Variants in PRPF18 observed in about 807,000 individuals in gnomAD.
PRPF18 encodes pre-mRNA-splicing factor 18.
Under a neutral mutation model 46.5 loss-of-function variants are expected in PRPF18, and 38 were observed. The observed-to-expected ratio is 0.82, with a 90% confidence interval of 0.63 to 1.07. The LOEUF is 1.07. Among genes scored for constraint, PRPF18 ranks in the 50% least tolerant of loss-of-function variants. PRPF18 has a pLI of 0.00. For synonymous variants in PRPF18, 152 were observed against 146.7 expected, an observed-to-expected ratio of 1.04 and a Z score of -0.26; for missense variants, 263 against 410.0, an observed-to-expected ratio of 0.64 and a Z score of 3.10.
chr10:13,653,958 C>G, the PRPF18 span: 1 of 214,618 alleles, frequency 4.7e-6, no homozygotes, highest in South Asian at 1.4e-4. Context: ...AGTGCTTGGC[C>G]AGGACACAGC....
the PRPF18 span, chr10:13,639,681 T>C: frequency 6.6e-6 from 1 of 152,254 alleles, no homozygotes; most frequent in Non-Finnish European, 1.5e-5. Context: ...TAGCCAGGAC[T>C]CAGGATAAAG....
the PRPF18 span, chr10:13,647,972 C>T: frequency 6.6e-6 from 1 of 152,022 alleles, no homozygotes; most frequent in Admixed American, 6.6e-5. Flanking sequence ...GACCCTAACC[C>T]AAAGTAGTTC....
At chr10:13,608,815 A>C (rs1387914038) in intron 4 of PRPF18, among the ~76,000 whole-genome samples, 1 of 152,238 alleles carries the variant, frequency 6.6e-6, no homozygotes, top group African/African-American at 2.4e-5. Context: ...GACAAAGCAC[A>C]GGAGCACAAG....
At chr10:13,626,389 C>T (rs1043062928) in intron 9 of PRPF18, among the ~76,000 whole-genome samples, 1 of 151,970 alleles carries the variant, frequency 6.6e-6, no homozygotes, top group African/African-American at 2.4e-5. Flanking sequence ...AAAAACAAAA[C>T]AAAAAGGGGA....
At chr10:13,628,895 C>G (rs1466247930) in intron 9 of PRPF18, among the ~76,000 whole-genome samples, 1 of 152,154 alleles carries the variant, frequency 6.6e-6, no homozygotes, top group African/African-American at 2.4e-5. Context: ...CGTGGTGTGT[C>G]TCAGGTCTCT....
chr10:13,604,665 T>C (rs1469027489), intron 3 of PRPF18, among the ~76,000 whole-genome samples: 1 of 152,242 alleles, frequency 6.6e-6, no homozygotes, highest in Non-Finnish European at 1.5e-5. Context: ...GTTTTTCCTG[T>C]GTGTCCTGCC....
the PRPF18 span, chr10:13,645,730 T>C: frequency 3.7e-3 from 569 of 152,648 alleles, 4 homozygotes; most frequent in Non-Finnish European, 6.8e-3. Context: ...AAGGGCATAG[T>C]TGGGTTCTTG....
At chr10:13,646,069 CTTTG>C in the PRPF18 span, 1 of 152,240 alleles carries the variant, frequency 6.6e-6, no homozygotes, top group African/African-American at 2.4e-5. Flanking sequence ...ACAGGTCTCT[CTTTG>C]TGTCCAGATG....
At chr10:13,600,729 G>T (rs1156679150) in intron 3 of PRPF18, among the ~76,000 whole-genome samples, 1 of 151,782 alleles carries the variant, frequency 6.6e-6, no homozygotes, top group Non-Finnish European at 1.5e-5. Context: ...ACATAATTTT[G>T]AATGAGTGTA....
chr10:13,654,065 T>G, the PRPF18 span: 1 of 448,860 alleles, frequency 2.2e-6, no homozygotes. Flanking sequence ...CCCCCTGACA[T>G]TCTTGCCTGG....
chr10:13,634,152 A>G (rs371756852), downstream of PRPF18, among the ~76,000 whole-genome samples: 6 of 152,368 alleles, frequency 3.9e-5, no homozygotes, highest in East Asian at 1.9e-4. Context: ...ATGTATTTTT[A>G]CGTTGATCAG....
At chr10:13,629,898 A>G (rs906320222) in intron 9 of PRPF18, among the ~76,000 whole-genome samples, 1 of 152,206 alleles carries the variant, frequency 6.6e-6, no homozygotes, top group Non-Finnish European at 1.5e-5. Context: ...TTAATTCTCT[A>G]TTGGAACCTG....
At chr10:13,633,693 A>G (rs1267032930), downstream of PRPF18, among the ~76,000 whole-genome samples, 1 of 152,158 alleles carries the variant, frequency 6.6e-6, no homozygotes, top group Non-Finnish European at 1.5e-5. Context: ...CTTTGTCTGC[A>G]TGTCTGGTAA....
chr10:13,588,389 A>G (rs2079907802), intron 1 of PRPF18, among the ~76,000 whole-genome samples: 1 of 151,234 alleles, frequency 6.6e-6, no homozygotes, highest in Non-Finnish European at 1.5e-5. Context: ...CCTGGGCGAC[A>G]GAGTGAGACA....
At chr10:13,626,773 A>G (rs2080511811) in intron 9 of PRPF18, among the ~76,000 whole-genome samples, 1 of 151,288 alleles carries the variant, frequency 6.6e-6, no homozygotes, top group South Asian at 2.1e-4. Context: ...GAGGTAGAGG[A>G]CTGCTATTAT....
chr10:13,613,033 T>C (rs2080294554), intron 6 of PRPF18, among the ~76,000 whole-genome samples: 1 of 152,220 alleles, frequency 6.6e-6, no homozygotes, highest in South Asian at 2.1e-4. Flanking sequence ...ATCAAGATTC[T>C]GAATATATTG....
chr10:13,644,683 A>G, the PRPF18 span: 85,241 of 152,046 alleles, frequency 0.56, 24,293 homozygotes, highest in East Asian at 0.79. Context: ...CTCATCAGCT[A>G]CCTTTTCCCT....
the PRPF18 span, chr10:13,648,587 T>C: frequency 6.6e-6 from 1 of 152,236 alleles, no homozygotes; most frequent in East Asian, 1.9e-4. Context: ...CCTGAGCAGC[T>C]TTGAAACCAC....
At chr10:13,645,008 TG>T in the PRPF18 span, 1 of 152,118 alleles carries the variant, frequency 6.6e-6, no homozygotes, top group African/African-American at 2.4e-5. Flanking sequence ...AAGCAGGCCC[TG>T]AATTGTCTAG....
Sources: allele counts gnomAD v4.1 joint callset (sites outside exome capture counted in the v4.1 genomes callset), GRCh38; gene constraint gnomAD v4.1.1; transcripts MANE v1.5; gene names NCBI Gene and HGNC (gene_info 2026-07-23, HGNC 2026-07-21).